Variants in MECOM observed in about 807,000 individuals in gnomAD.
MECOM encodes the protein MDS1 and EVI1 complex locus, also known as histone-lysine N-methyltransferase MECOM.
MECOM carries 13 observed loss-of-function variants against 116.3 expected under a neutral mutation model. The observed-to-expected ratio is 0.11, with a 90% CI of 0.07 to 0.18. The LOEUF is 0.18. Among genes scored for constraint, MECOM ranks in the 10% least tolerant of loss-of-function variants. MECOM has a pLI of 1.00. For synonymous variants in MECOM, 528 were observed against 535.2 expected (o/e 0.99, Z 0.19); for missense variants, 1,299 against 1,509.0 (o/e 0.86, Z 2.31).
intron 1 of MECOM, among the ~76,000 whole-genome samples, chr3:169,542,978 G>A (rs1416688499): frequency 1.3e-5 from 2 of 152,194 alleles, no homozygotes; most frequent in East Asian, 3.9e-4. Context: ...ACAATTAGAT[G>A]TTTCTCTATT....
intron 1 of MECOM, among the ~76,000 whole-genome samples, chr3:169,493,847 G>T (rs1753459592): frequency 6.6e-6 from 1 of 152,130 alleles, no homozygotes; most frequent in Middle Eastern, 3.2e-3. Flanking sequence ...TAAATGTGAT[G>T]AAATAAGGCC....
chr3:169,621,673 C>T (rs557633579), intron 1 of MECOM, among the ~76,000 whole-genome samples: 17 of 152,304 alleles, frequency 1.1e-4, no homozygotes, highest in South Asian at 6.2e-4. Context: ...AGGAGAATTG[C>T]TTGAACCCAG....
At chr3:169,434,686 T>C (rs1009131667) in intron 1 of MECOM, among the ~76,000 whole-genome samples, 13 of 152,176 alleles carry the variant, frequency 8.5e-5, no homozygotes, top group African/African-American at 1.7e-4. Flanking sequence ...GAGGTAGATG[T>C]AGTAAGGAAA....
intron 7 of MECOM, 182 bp downstream of exon 7, chr3:169,120,873 AC>A (rs1730792647): frequency 5.7e-6 from 3 of 526,448 alleles, no homozygotes; most frequent in Non-Finnish European, 9.0e-6. Flanking sequence ...GGAATCAAGG[AC>A]AAAATACCAT....
chr3:169,612,270 G>T (rs1361400306), intron 1 of MECOM, among the ~76,000 whole-genome samples: 1 of 152,152 alleles, frequency 6.6e-6, no homozygotes, highest in Non-Finnish European at 1.5e-5. Flanking sequence ...TAAAGAAATT[G>T]TTGGTTCAAA....
At chr3:169,433,645 G>GAAA (rs752632112) in intron 1 of MECOM, among the ~76,000 whole-genome samples, 2 of 111,924 alleles carry the variant, frequency 1.8e-5, no homozygotes, top group Non-Finnish European at 3.5e-5. Context: ...GAAAGAGAAA[G>GAAA]AAAGAAAGAA....
chr3:169,641,865 G>A (rs1021119509), intron 1 of MECOM, among the ~76,000 whole-genome samples: 3 of 152,162 alleles, frequency 2.0e-5, no homozygotes, highest in African/African-American at 7.2e-5. Flanking sequence ...ACAATTGTGG[G>A]CACTGGCAAA....
At chr3:169,365,324 T>A (rs1728985104) in intron 2 of MECOM, among the ~76,000 whole-genome samples, 1 of 152,100 alleles carries the variant, frequency 6.6e-6, no homozygotes, top group Non-Finnish European at 1.5e-5. Flanking sequence ...TGATGTTTAA[T>A]CTTTACTTCC....
At chr3:169,383,003 A>T (rs2108290142) in intron 1 of MECOM, among the ~76,000 whole-genome samples, 1 of 152,054 alleles carries the variant, frequency 6.6e-6, no homozygotes, top group African/African-American at 2.4e-5. Context: ...AAACTAGGTG[A>T]CTTTAAGACC....
At chr3:169,509,590 T>C (rs553874456) in intron 1 of MECOM, among the ~76,000 whole-genome samples, 2 of 152,204 alleles carry the variant, frequency 1.3e-5, no homozygotes, top group Non-Finnish European at 2.9e-5. Context: ...AGGCCTCTCA[T>C]GAAAGTGGAA....
At chr3:169,135,043 TATAAA>T (rs1735937872) in intron 3 of MECOM, among the ~76,000 whole-genome samples, 2 of 149,424 alleles carry the variant, frequency 1.3e-5, no homozygotes, top group South Asian at 2.2e-4. Context: ...TGACCATGCT[TATAAA>T]ATAGAGTTAT....
chr3:169,279,500 A>C (rs988160834), intron 2 of MECOM, among the ~76,000 whole-genome samples: 1 of 152,292 alleles, frequency 6.6e-6, no homozygotes, highest in South Asian at 2.1e-4. Flanking sequence ...CAGAAAGGGA[A>C]ATTTGGGGAG....
chr3:169,262,507 G>T (rs1427940732), intron 2 of MECOM, among the ~76,000 whole-genome samples: 1 of 152,172 alleles, frequency 6.6e-6, no homozygotes, highest in East Asian at 1.9e-4. Flanking sequence ...TGCTTGCCCT[G>T]ATAGAGAGTC....
At chr3:169,644,177 T>C (rs1490178057) in intron 1 of MECOM, among the ~76,000 whole-genome samples, 2 of 152,152 alleles carry the variant, frequency 1.3e-5, no homozygotes, top group African/African-American at 4.8e-5. Context: ...GAAGCCCCAC[T>C]CCTGAGGCTA....
At position 169,203,131 on chromosome 3, in the gene MECOM, G is replaced by A. The variant is rs181042704; in HGVS notation, c.376-59299C>T. On this transcript the variant is annotated intron_variant, in intron 2 of 16. Transcript: ENST00000651503. ...AGGTGAGCCTATGAACTTCGTTGGC[G>A]CCATTGATTAAAACTACAGTTTAGA... 8.5e-5 allele frequency among the ~76,000 whole-genome samples: 13 copies of A among 152,144 alleles called. No individual in the cohort carries two copies. The East Asian group carries it at 1.9e-3, about 23-fold the overall frequency.
At chr3:169,257,955 G>A (rs969770616) in intron 2 of MECOM, among the ~76,000 whole-genome samples, 9 of 152,166 alleles carry the variant, frequency 5.9e-5, no homozygotes, top group East Asian at 3.8e-4. Flanking sequence ...GCATGGCGGC[G>A]CATGCCCGCA....
At chr3:169,238,773 T>C (rs1754415582) in intron 2 of MECOM, among the ~76,000 whole-genome samples, 1 of 152,174 alleles carries the variant, frequency 6.6e-6, no homozygotes. Flanking sequence ...AGTTTGAATA[T>C]TAAATTAAAA....
At chr3:169,305,669 T>A (rs919802050) in intron 2 of MECOM, among the ~76,000 whole-genome samples, 1 of 152,226 alleles carries the variant, frequency 6.6e-6, no homozygotes, top group Admixed American at 6.5e-5. Flanking sequence ...TGATTAGTGT[T>A]CTGTTTCATG....
intron 1 of MECOM, among the ~76,000 whole-genome samples, chr3:169,655,974 C>T (rs1409354536): frequency 6.6e-6 from 1 of 152,218 alleles, no homozygotes; most frequent in East Asian, 1.9e-4. Flanking sequence ...GCCTCAGAGG[C>T]ATTCAATAAC....
Sources: gnomAD v4.1 joint callset for allele counts (sites outside exome capture counted in the v4.1 genomes callset) on GRCh38, gnomAD v4.1.1 for gene constraint, MANE v1.5 for transcripts, NCBI Gene and HGNC (gene_info 2026-07-23, HGNC 2026-07-21) for gene names.